CEP250: variants seen among roughly 807,000 people sequenced by gnomAD.
CEP250 encodes centrosomal protein 250, also known as centrosome-associated protein CEP250.
A neutral mutation model predicts 315.7 loss-of-function variants in CEP250; 242 were observed. That is an observed-to-expected ratio of 0.77 (90% CI 0.69 to 0.85). The LOEUF is 0.85. CEP250 is among the 40% of genes least tolerant of loss of function. CEP250 has a pLI of 0.00. For synonymous variants in CEP250, 1,088 were observed against 1,175.0 expected (o/e 0.93, Z 1.51); for missense variants, 2,515 against 2,886.4 (o/e 0.87, Z 2.95).
chr20:35,499,292 ACC>A (rs2147120638), intron 27 of CEP250, among the ~76,000 whole-genome samples: 1 of 152,260 alleles, frequency 6.6e-6, no homozygotes, highest in East Asian at 1.9e-4. Flanking sequence ...ACACAAAAAA[ACC>A]CTGGGCAGAT....
At chr20:35,456,125 C>T (rs224348) in intron 1 of CEP250, among the ~76,000 whole-genome samples, 96,219 of 152,082 alleles carry the variant, frequency 0.63, 32,676 homozygotes, top group Non-Finnish European at 0.76. Flanking sequence ...GAACTCCCGA[C>T]CTCAGGTGAT....
In CEP250 at chr20:35,490,764, G is replaced by C. The variant is rs771244586; in HGVS notation, c.2714G>C (p.Arg905Thr). 12 of 1,613,704 alleles carry C rather than the reference G, an allele frequency of 7.4e-6. No homozygotes were observed. Among genetic ancestry groups the C allele is most frequent in the Non-Finnish European group, 2.5e-6 (3 of 1,179,932 alleles). Residue 905 changes from arginine to threonine, a missense_variant, in exon 21 of 35, where the codon AGG (arginine) becomes ACG (threonine). By Grantham distance (71) the Arg-to-Thr change is moderately conservative. Coordinates refer to ENST00000397527, the MANE Select transcript of CEP250 (RefSeq NM_007186.6). ...GAAATGGAGGCCATCCAGGCCCAGAGGGAAGAAGAACGGACCCAGGCAGAG... is the reference window on the plus strand; with the variant it reads ...GAAATGGAGGCCATCCAGGCCCAGACGGAAGAAGAACGGACCCAGGCAGAG... ...QTEMEAIQAQ[R>T]EEERTQAESA...
intron 28 of CEP250, among the ~76,000 whole-genome samples, chr20:35,501,360 G>A (rs1436662633): frequency 6.6e-6 from 1 of 152,086 alleles, no homozygotes. Context: ...AAGAGAAGAG[G>A]ACACCTTGGG....
chr20:35,480,149 A>C lies in CEP250; in HGVS notation c.2586+4A>C, dbSNP rs2063305522. On this transcript the variant is annotated splice_donor_region_variant and intron_variant, in intron 20 of 34. Transcript: ENST00000397527. ...GAACCAGCTCCGGGAGAAATGGGTA[A>C]GTGGTCAATGTGGCCGGGTATGGCC... 1.2e-6 allele frequency: 2 copies of C among 1,610,034 alleles called. No homozygotes were observed. Among genetic ancestry groups the C allele is most frequent in the African/African-American group, 2.7e-5 (2 of 74,824 alleles).
chr20:35,477,930 T>C lies in CEP250; in HGVS notation c.1923T>C (p.Asn641=), dbSNP rs1207643632. The change falls in exon 17 of 35, where the codon AAT becomes AAC. Residue 641 remains asparagine, a synonymous_variant. Coordinates refer to ENST00000397527, the MANE Select transcript of CEP250 (RefSeq NM_007186.6). Reference sequence around the variant, plus strand: ...TGGAGGCCGCAGAGCAGGCGAGAAATGCTTTGCAGGTCGACCTGGCGGAGG... The same window carrying C: ...TGGAGGCCGCAGAGCAGGCGAGAAACGCTTTGCAGGTCGACCTGGCGGAGG... The part of the protein sequence containing the change: ...SRMEAAEQAR[N]ALQVDLAEAE... 2.5e-6 allele frequency: 4 copies of C among 1,608,398 alleles called. No homozygotes were observed. Among genetic ancestry groups the C allele is most frequent in the Admixed American group, 3.4e-5 (2 of 58,896 alleles).
At chr20:35,491,863 C>T (rs1395631117) in intron 22 of CEP250, among the ~76,000 whole-genome samples, 1 of 130,688 alleles carries the variant, frequency 7.7e-6, no homozygotes, top group African/African-American at 2.8e-5. Flanking sequence ...GGTCACGCCA[C>T]TGCATTCCAG....
chr20:35,508,038 T>A lies in CEP250; in HGVS notation c.6754T>A (p.Ser2252Thr). The A allele has an allele frequency of 6.2e-7, 1 of 1,614,208 alleles. No homozygotes were observed. The highest frequency in any genetic ancestry group is 8.5e-7 in the Non-Finnish European group (1 of 1,180,034). The change falls in exon 32 of 35, where the codon TCA becomes ACA. Residue 2252 changes from serine (S) to threonine (T), a missense_variant. Physicochemically the swap from Ser to Thr is moderately conservative, Grantham distance 58. Coordinates refer to ENST00000397527, the MANE Select transcript of CEP250 (RefSeq NM_007186.6). ...GATTCACAGGTCTTTCCCACAGGTC[T>A]CAGGAGTGGAGGCTGAGCCTAGTCC... The part of the protein sequence containing the change: ...GEQGVQLGEV[S>T]GVEAEPSPDG...
intron 16 of CEP250, among the ~76,000 whole-genome samples, chr20:35,477,543 T>C (rs530593843): frequency 6.7e-4 from 102 of 152,354 alleles, no homozygotes; most frequent in Admixed American, 1.6e-3. Flanking sequence ...AAGAATCTTT[T>C]CTATAGGTTA....
In CEP250 at chr20:35,516,180, G is replaced by C. The variant is rs993074607; in HGVS notation, c.*4554G>C. 4 of 152,394 alleles carry C rather than the reference G, an allele frequency of 2.6e-5. No homozygotes were observed. The highest frequency in any genetic ancestry group is 3.9e-4 in the East Asian group (2 of 5,188). 9.4% of individuals were successfully genotyped at this position (152,394 alleles called of 1,614,324 possible). ...AGGCTGTGTGATGTGTCATCTGAGA[G>C]AGTGGGTAACCCCTATTCCCAGCAC... is the stretch of plus-strand genomic sequence containing the variant. On this transcript the variant is annotated 3_prime_UTR_variant, in exon 35 of 35. Transcript: ENST00000397527.
Position 35,472,847 on chromosome 20 carries a change from A to G in CEP250, c.1209+16A>G, listed in dbSNP as rs1215809848. On this transcript the variant is annotated intron_variant, in intron 12 of 34. Coordinates refer to ENST00000397527, the MANE Select transcript of CEP250 (RefSeq NM_007186.6). ...GGCTGTGCAGGTAGGAACCCTCAGC[A>G]TTCCACCTCAGTCACAGGGGTTTGT... 1 of 1,613,586 alleles carries G rather than the reference A, an allele frequency of 6.2e-7. No individual in the cohort carries two copies. Among genetic ancestry groups the G allele is most frequent in the Admixed American group, 1.7e-5 (1 of 60,024 alleles).
intron 26 of CEP250, 73 bp from the exon 27 acceptor site, chr20:35,498,522 C>T: frequency 1.3e-6 from 2 of 1,562,672 alleles, no homozygotes; most frequent in African/African-American, 1.4e-5. Context: ...AAGGACAGGG[C>T]TGTGTCTGGA....
chr20:35,467,823 A>G (rs1023607649), intron 9 of CEP250, among the ~76,000 whole-genome samples: 5 of 152,038 alleles, frequency 3.3e-5, no homozygotes, highest in Admixed American at 6.6e-5. Flanking sequence ...AGTGCTTGCC[A>G]TTCCCAGAAC....
chr20:35,492,758 C>T lies in CEP250; in HGVS notation c.2890-671C>T, dbSNP rs374076483. ...TATGTATTTGTTTGAGACTGAGTCTCGCTCTGTCACCCAGGCTAGAGTGCG... is the reference window on the plus strand; with the variant it reads ...TATGTATTTGTTTGAGACTGAGTCTTGCTCTGTCACCCAGGCTAGAGTGCG... On this transcript the variant is annotated intron_variant, in intron 22 of 34. Coordinates refer to ENST00000397527, the MANE Select transcript of CEP250 (RefSeq NM_007186.6). Among the ~76,000 whole-genome samples the T allele has an allele frequency of 3.3e-5, 5 of 152,166 alleles. No individual in the cohort carries two copies. The East Asian group carries it at 7.7e-4, about 23-fold the overall frequency.
rs994950776 is a variant in CEP250 at position 35,467,491 on chromosome 20, A to G, written c.787A>G (p.Arg263Gly). 2 of 1,614,034 alleles carry G rather than the reference A, an allele frequency of 1.2e-6. No individual in the cohort carries two copies. Among genetic ancestry groups the G allele is most frequent in the Non-Finnish European group, 1.7e-6 (2 of 1,180,024 alleles). The change falls in exon 9 of 35, where the codon AGG becomes GGG. Residue 263 changes from arginine to glycine, a missense_variant. Physicochemically the swap from Arg to Gly is moderately radical, Grantham distance 125. Transcript: ENST00000397527. ...TQELEKEAHE[R>G]SQELIQLKSQ... Reference sequence around the variant, plus strand: ...GGAGCTGGAGAAGGAAGCCCATGAAAGGAGCCAGGAGTTAATACAGCTGAA... The same window carrying G: ...GGAGCTGGAGAAGGAAGCCCATGAAGGGAGCCAGGAGTTAATACAGCTGAA...
intron 9 of CEP250, among the ~76,000 whole-genome samples, chr20:35,468,823 G>A (rs1186389945): frequency 2.6e-5 from 4 of 152,066 alleles, no homozygotes; most frequent in Non-Finnish European, 4.4e-5. Context: ...TTACAGGCAC[G>A]CACCACTATG....
intron 20 of CEP250, among the ~76,000 whole-genome samples, chr20:35,488,407 C>T (rs773798692): frequency 2.6e-5 from 4 of 152,080 alleles, no homozygotes; most frequent in African/African-American, 7.2e-5. Context: ...TACACATTGC[C>T]GGGTTTTATA....
chr20:35,479,558 G>A, intron 18 of CEP250, 88 bp from the exon 19 acceptor site: 2 of 1,561,046 alleles, frequency 1.3e-6, no homozygotes, highest in Non-Finnish European at 1.7e-6. Flanking sequence ...AACTTCTCCA[G>A]GTAGCCAATA....
chr20:35,488,408 G>A (rs988818396), intron 20 of CEP250, among the ~76,000 whole-genome samples: 2 of 152,048 alleles, frequency 1.3e-5, no homozygotes, highest in Non-Finnish European at 2.9e-5. Flanking sequence ...ACACATTGCC[G>A]GGTTTTATAA....
chr20:35,503,970 G>A lies in CEP250; in HGVS notation c.5601G>A (p.Gln1867=). 1.2e-6 allele frequency: 2 copies of A among 1,611,406 alleles called. No homozygotes were observed. The highest frequency in any genetic ancestry group is 2.2e-5 in the East Asian group (1 of 44,832). Residue 1867 remains glutamine (Q), a synonymous_variant, in exon 30 of 35, where the codon CAG becomes CAA. Coordinates refer to ENST00000397527, the MANE Select transcript of CEP250 (RefSeq NM_007186.6). This position sits in a 1 kb window ranked among gnomAD's most constrained non-coding sequence, Gnocchi z 4.2. The stretch of plus-strand genomic sequence containing the variant: ...GAGAGCTTCAGGACCACAAGGAACA[G>A]GCACGAAGGCTGGAGGAAGAGCTGG... ...RHGELQDHKE[Q]ARRLEEELAV...
Sources: gnomAD v4.1 joint callset for allele counts (sites outside exome capture counted in the v4.1 genomes callset) on GRCh38, gnomAD v4.1.1 for gene constraint, Gnocchi (gnomAD v3.1) non-coding constraint, MANE v1.5 for transcripts, NCBI Gene and HGNC (gene_info 2026-07-23, HGNC 2026-07-21) for gene names.